The following DNAAF9 variants were observed in gnomAD, a reference collection of about 807,000 sequenced individuals.
DNAAF9 encodes the protein shulin.
In DNAAF9, 90 loss-of-function variants were observed where a neutral mutation model predicts 167.0. The observed-to-expected ratio is 0.54, with a 90% CI of 0.45 to 0.64. The LOEUF is 0.64. Among genes scored for constraint, DNAAF9 ranks in the 30% least tolerant of loss-of-function variants. The pLI is 0.00. For synonymous variants in DNAAF9, 491 were observed against 508.8 expected (o/e 0.96, Z 0.47); for missense variants, 1,315 against 1,442.2 (o/e 0.91, Z 1.43).
At chr20:3,389,917 T>C (rs2083802408) in intron 1 of DNAAF9, among the ~76,000 whole-genome samples, 1 of 151,278 alleles carries the variant, frequency 6.6e-6, no homozygotes, top group Admixed American at 6.6e-5. Context: ...GCGCCTGTAA[T>C]CCCAGCTACC....
intron 6 of DNAAF9, chr20:3,362,262 G>A (rs1000865334): frequency 2.3e-6 from 3 of 1,329,050 alleles, no homozygotes; most frequent in Non-Finnish European, 2.1e-6. Flanking sequence ...GGCTTTCTTC[G>A]AGTTCTTCCA....
chr20:3,304,692 G>A, intron 20 of DNAAF9, 149 bp from the exon 21 acceptor site: 1 of 587,678 alleles, frequency 1.7e-6, no homozygotes, highest in Non-Finnish European at 3.0e-6. Context: ...TGTGCTCTGA[G>A]GAAGCCAAAG....
chr20:3,267,078 C>G (rs1011882275), intron 30 of DNAAF9, among the ~76,000 whole-genome samples: 20 of 151,292 alleles, frequency 1.3e-4, no homozygotes, highest in Non-Finnish European at 8.8e-5. Flanking sequence ...TTTCGAACTC[C>G]CGACCTCAGG....
At chr20:3,338,945 T>C (rs2070023401) in intron 10 of DNAAF9, among the ~76,000 whole-genome samples, 1 of 152,084 alleles carries the variant, frequency 6.6e-6, no homozygotes, top group African/African-American at 2.4e-5. Context: ...TGAGCCACTG[T>C]GCCCGGCTGG....
intron 15 of DNAAF9, among the ~76,000 whole-genome samples, 157 bp downstream of exon 15, chr20:3,322,495 G>A (rs2069634231): frequency 6.6e-6 from 1 of 152,154 alleles, no homozygotes. Context: ...TCAGGGTACA[G>A]GGGCTCAGCT....
chr20:3,345,575 C>T (rs6084343), intron 8 of DNAAF9, among the ~76,000 whole-genome samples: 65,121 of 151,940 alleles, frequency 0.43, 14,026 homozygotes, highest in Middle Eastern at 0.57. Flanking sequence ...CATATTCCCA[C>T]GAATTACATT....
intron 4 of DNAAF9, 116 bp downstream of exon 4, chr20:3,376,062 C>CT: frequency 1.0e-6 from 1 of 957,800 alleles, no homozygotes; most frequent in Non-Finnish European, 1.5e-6. Context: ...AACAGATAAT[C>CT]TTTTTTATAT....
At chr20:3,305,689 G>A (rs1046316347) in intron 20 of DNAAF9, among the ~76,000 whole-genome samples, 71 of 152,180 alleles carry the variant, frequency 4.7e-4, no homozygotes, top group African/African-American at 7.2e-5. Flanking sequence ...GGCCTAGTTA[G>A]TATGTGTTCA....
At chr20:3,346,064 G>C (rs1364822009) in intron 8 of DNAAF9, among the ~76,000 whole-genome samples, 1 of 152,108 alleles carries the variant, frequency 6.6e-6, no homozygotes, top group African/African-American at 2.4e-5. Context: ...ACATATGAGG[G>C]AATGTTCAAA....
At chr20:3,345,277 T>C (rs888698923) in intron 8 of DNAAF9, among the ~76,000 whole-genome samples, 4 of 152,138 alleles carry the variant, frequency 2.6e-5, no homozygotes, top group African/African-American at 7.2e-5. Context: ...CCTGGCTCAA[T>C]TGGAGTTCTG....
chr20:3,288,958 A>C (rs1284246664), intron 26 of DNAAF9, among the ~76,000 whole-genome samples: 1 of 152,106 alleles, frequency 6.6e-6, no homozygotes, highest in Non-Finnish European at 1.5e-5. Flanking sequence ...TGCTGCTACA[A>C]TGCTCTCCCC....
At chr20:3,255,574 G>A (rs1233020299) in intron 34 of DNAAF9, among the ~76,000 whole-genome samples, 2 of 152,086 alleles carry the variant, frequency 1.3e-5, no homozygotes, top group African/African-American at 2.4e-5. Context: ...CTACCAATGA[G>A]AGGCAGACAA....
At chr20:3,326,698 AGAC>A (rs1040539699) in intron 12 of DNAAF9, among the ~76,000 whole-genome samples, 1 of 151,842 alleles carries the variant, frequency 6.6e-6, no homozygotes, top group Non-Finnish European at 1.5e-5. Flanking sequence ...CAGTGAGCCA[AGAC>A]TGTGTCACTG....
Position 3,315,142 on chromosome 20 carries a change from C to T in DNAAF9, c.1591-22G>A, listed in dbSNP as rs749403642. The T allele has an allele frequency of 2.8e-5, 39 of 1,382,744 alleles. 3 individuals are homozygous for T. The highest frequency in any genetic ancestry group is 1.8e-4 in the Middle Eastern group (1 of 5,620). The allele number at this position is 1,382,744 out of a possible 1,614,324, so 85.7% of individuals were successfully genotyped here. A position where few individuals can be genotyped will look rare whatever the true frequency, so the allele number is the denominator to read the frequency against. ...CCCCCTTTAAAAACAACAACAAAAA[C>T]AAAAATCCAAAAAAGAATAGGTGAT... On this transcript the variant is annotated intron_variant, in intron 19 of 36. Coordinates refer to ENST00000252032, the MANE Select transcript of DNAAF9 (RefSeq NM_001009984.3). This position sits in a 1 kb window ranked among gnomAD's most constrained non-coding sequence, Gnocchi z 4.1.
intron 7 of DNAAF9, among the ~76,000 whole-genome samples, chr20:3,352,212 T>G (rs181955427): frequency 6.6e-6 from 1 of 152,204 alleles, no homozygotes; most frequent in Non-Finnish European, 1.5e-5. Flanking sequence ...GAAATGCGCA[T>G]GTACTTGTAA....
At chr20:3,382,000 C>A (rs2083660778) in intron 2 of DNAAF9, among the ~76,000 whole-genome samples, 1 of 152,134 alleles carries the variant, frequency 6.6e-6, no homozygotes, top group Non-Finnish European at 1.5e-5. Flanking sequence ...AACATGCCTG[C>A]AAATGACCCT....
intron 8 of DNAAF9, 83 bp from the exon 9 acceptor site, chr20:3,343,814 C>CAT: frequency 1.0e-6 from 1 of 1,004,354 alleles, no homozygotes; most frequent in Non-Finnish European, 1.6e-6. Context: ...TATGTATGTA[C>CAT]ACACATGCTT....
At chr20:3,282,889 G>A (rs1280857060) in intron 27 of DNAAF9, among the ~76,000 whole-genome samples, 1 of 152,158 alleles carries the variant, frequency 6.6e-6, no homozygotes, top group Non-Finnish European at 1.5e-5. Context: ...GTGTGATCAA[G>A]CAACCCTCGC....
chr20:3,300,197 C>A (rs375091904), intron 21 of DNAAF9, among the ~76,000 whole-genome samples: 8 of 152,238 alleles, frequency 5.3e-5, no homozygotes, highest in Admixed American at 3.3e-4. Flanking sequence ...AGCCACTGCG[C>A]CCGGCAGCGT....
Sources: allele counts gnomAD v4.1 joint callset (sites outside exome capture counted in the v4.1 genomes callset), GRCh38; gene constraint gnomAD v4.1.1; non-coding constraint Gnocchi (gnomAD v3.1); transcripts MANE v1.5; gene names NCBI Gene and HGNC (gene_info 2026-07-23, HGNC 2026-07-21).